CEMIP: variants seen among roughly 807,000 people sequenced by gnomAD.
CEMIP encodes cell migration inducing hyaluronidase 1.
Under a neutral mutation model 156.9 loss-of-function variants are expected in CEMIP, and 105 were observed. That is an observed-to-expected ratio of 0.67 (90% CI 0.57 to 0.79). The LOEUF is 0.79. Ranked by LOEUF, CEMIP falls within the 30% of genes least tolerant of loss-of-function variation. The pLI, the probability that CEMIP is intolerant of heterozygous loss-of-function variation, is 0.00. For missense variants in CEMIP, 1,457 were observed against 1,769.4 expected (o/e 0.82, Z 3.17); for synonymous variants, 676 against 668.4 (o/e 1.01, Z -0.17).
chr15:80,815,857 CTATTTA>C (rs1896778193), intron 1 of CEMIP, among the ~76,000 whole-genome samples: 1 of 152,150 alleles, frequency 6.6e-6, no homozygotes, highest in South Asian at 2.1e-4. Flanking sequence ...TTCTTTATTT[CTATTTA>C]TAATCTTTGC....
intron 8 of CEMIP, 70 bp downstream of exon 8, chr15:80,887,834 T>C: frequency 1.6e-6 from 2 of 1,269,130 alleles, no homozygotes; most frequent in Admixed American, 1.8e-5. Context: ...AGGGCTTTTC[T>C]GAACATCTCA....
At chr15:80,869,214 C>A (rs571662351) in intron 1 of CEMIP, among the ~76,000 whole-genome samples, 5 of 152,292 alleles carry the variant, frequency 3.3e-5, no homozygotes, top group Middle Eastern at 3.4e-3. Flanking sequence ...ACCCGTATGA[C>A]CTCATTTTAC....
In CEMIP at chr15:80,942,949, A is replaced by G; in HGVS notation, c.3704A>G (p.Asp1235Gly). The G allele has an allele frequency of 6.2e-7, 1 of 1,614,182 alleles. No homozygotes were observed. Among genetic ancestry groups the G allele is most frequent in the Non-Finnish European group, 8.5e-7 (1 of 1,180,044 alleles). Residue 1235 changes from aspartate to glycine, a missense_variant, in exon 28 of 30, where the codon GAT becomes GGT. Asp to Gly is a moderately conservative substitution (Grantham distance 94, BLOSUM62 -1). This residue lies in a region of CEMIP where 798 missense variants were observed against 980.1 expected (regional missense o/e 0.81). Coordinates refer to ENST00000394685, the MANE Select transcript of CEMIP (RefSeq NM_001293298.2). Reference sequence around the variant, plus strand: ...TGGATTGCTCTGGCTCTGTAGGTGGATGGGAAGAAGTACCCCAGTTCGGAG... The same window carrying G: ...TGGATTGCTCTGGCTCTGTAGGTGGGTGGGAAGAAGTACCCCAGTTCGGAG... Reference protein sequence around the residue: ...LWNDFAYIEVDGKKYPSSEDG... With the variant: ...LWNDFAYIEVGGKKYPSSEDG...
At chr15:80,858,551 TAAA>T (rs59305579) in intron 1 of CEMIP, among the ~76,000 whole-genome samples, 3 of 130,496 alleles carry the variant, frequency 2.3e-5, no homozygotes, top group Admixed American at 7.6e-5. Flanking sequence ...TGGTCTCTAC[TAAA>T]AAAAAAAAAA....
chr15:80,937,819 T>A lies in CEMIP; in HGVS notation c.3247T>A (p.Cys1083Ser). The A allele has an allele frequency of 6.2e-7, 1 of 1,614,268 alleles. No individual in the cohort carries two copies. The highest frequency in any genetic ancestry group is 8.5e-7 in the Non-Finnish European group (1 of 1,180,046). ...GGGCGACTGGATCCGAGTGGGGCTCTGCTACCCGCGAGGCACCACATTCTC... is the reference window on the plus strand; with the variant it reads ...GGGCGACTGGATCCGAGTGGGGCTCAGCTACCCGCGAGGCACCACATTCTC... Reference protein sequence around the residue: ...NKGDWIRVGLCYPRGTTFSIL... With the variant: ...NKGDWIRVGLSYPRGTTFSIL... The change falls in exon 25 of 30, where the codon TGC becomes AGC. Residue 1083 changes from cysteine to serine, a missense_variant. Cys to Ser is a moderately radical substitution (Grantham distance 112). Transcript: ENST00000394685.
intron 12 of CEMIP, chr15:80,901,004 T>TGCA (rs772577492): frequency 2.2e-6 from 1 of 453,878 alleles, no homozygotes; most frequent in South Asian, 1.6e-5. Flanking sequence ...GTAATGAAAA[T>TGCA]GCATGAATCA....
rs1181324430 is a variant in CEMIP at position 80,799,071 on chromosome 15, A to G, written c.-176+19457A>G. 1.1e-4 allele frequency among the ~76,000 whole-genome samples: 16 copies of G among 152,238 alleles called. 1 individual carries two copies. Among genetic ancestry groups the G allele is most frequent in the Non-Finnish European group, 4.4e-5 (3 of 68,034 alleles). The stretch of plus-strand genomic sequence containing the variant: ...TTTGATCCAGTTACCAGTGTGGAAG[A>G]TGACAGGAATGAGATAAAGCTAGCA... On this transcript the variant is annotated intron_variant, in intron 1 of 29. Coordinates refer to ENST00000394685, the MANE Select transcript of CEMIP (RefSeq NM_001293298.2).
intron 1 of CEMIP, among the ~76,000 whole-genome samples, chr15:80,782,271 C>A (rs1431892867): frequency 6.6e-6 from 1 of 152,122 alleles, no homozygotes; most frequent in Non-Finnish European, 1.5e-5. Context: ...TGGAGAGTGG[C>A]CTCTAAGGCC....
At chr15:80,839,289 A>AGTGTGTGTGTGTGTGTGTGTGTGT (rs34172431) in intron 1 of CEMIP, among the ~76,000 whole-genome samples, 55 of 131,184 alleles carry the variant, frequency 4.2e-4, no homozygotes, top group African/African-American at 1.5e-3. Flanking sequence ...CAAGGCCGTG[A>AGTGTGTGTGTGTGTGTGTGTGTGT]GTGTGTGTGT....
At chr15:80,786,837 A>G (rs1294337271) in intron 1 of CEMIP, among the ~76,000 whole-genome samples, 2 of 152,120 alleles carry the variant, frequency 1.3e-5, no homozygotes, top group South Asian at 2.1e-4. Context: ...ATCTTGTTAA[A>G]CCTCCCAATA....
intron 1 of CEMIP, among the ~76,000 whole-genome samples, chr15:80,852,396 GT>G (rs368490933): frequency 1.9e-4 from 29 of 148,812 alleles, no homozygotes; most frequent in East Asian, 2.0e-4. Flanking sequence ...GTGTGTGTGT[GT>G]TTTTTTTTTA....
chr15:80,827,390 G>A (rs904299964), intron 1 of CEMIP, among the ~76,000 whole-genome samples: 23 of 152,136 alleles, frequency 1.5e-4, no homozygotes, highest in Non-Finnish European at 7.3e-5. Context: ...TTCCTGAAGT[G>A]GGCGGATCAC....
intron 1 of CEMIP, among the ~76,000 whole-genome samples, chr15:80,858,880 G>T (rs1897918001): frequency 6.6e-6 from 1 of 152,176 alleles, no homozygotes; most frequent in South Asian, 2.1e-4. Context: ...GAAAGTCCAG[G>T]GATAGTAGTA....
intron 1 of CEMIP, among the ~76,000 whole-genome samples, chr15:80,810,512 C>T (rs980686561): frequency 6.6e-6 from 1 of 152,144 alleles, no homozygotes; most frequent in African/African-American, 2.4e-5. Flanking sequence ...GGACTACAGG[C>T]GCCCTCCACT....
At position 80,946,056 on chromosome 15, in the gene CEMIP, T is replaced by C. The variant is rs556232631; in HGVS notation, c.3858-909T>C. 2.6e-5 allele frequency among the ~76,000 whole-genome samples: 4 copies of C among 152,322 alleles called. No individual in the cohort carries two copies. In the South Asian group the frequency reaches 6.2e-4, roughly 24 times the overall value. On this transcript the variant is annotated intron_variant, in intron 28 of 29. Coordinates refer to ENST00000394685, the MANE Select transcript of CEMIP (RefSeq NM_001293298.2). Reference sequence around the variant, plus strand: ...TGCTTCAATCTCCCCATTTGCAAAATAGAGGCAATAGCCCTGTGTTGCCTA... The same window carrying C: ...TGCTTCAATCTCCCCATTTGCAAAACAGAGGCAATAGCCCTGTGTTGCCTA...
At chr15:80,833,507 G>T (rs1897201751) in intron 1 of CEMIP, among the ~76,000 whole-genome samples, 2 of 152,062 alleles carry the variant, frequency 1.3e-5, no homozygotes, top group South Asian at 4.2e-4. Context: ...ATCCAAACAG[G>T]TGATTTTTCT....
chr15:80,945,952 T>G lies in CEMIP; in HGVS notation c.3858-1013T>G, dbSNP rs1052171639. 2.6e-5 allele frequency among the ~76,000 whole-genome samples: 4 copies of G among 152,248 alleles called. No homozygotes were observed. In the South Asian group the frequency reaches 8.3e-4, roughly 32 times the overall value. On this transcript the variant is annotated intron_variant, in intron 28 of 29. Coordinates refer to ENST00000394685, the MANE Select transcript of CEMIP (RefSeq NM_001293298.2). ...TGCAATTTGGGACCTTCAGGCTGGG[T>G]GCACACATTGCTCCAAACCTCTGTG...
chr15:80,827,677 A>G (rs1360361860), intron 1 of CEMIP, among the ~76,000 whole-genome samples: 1 of 152,172 alleles, frequency 6.6e-6, no homozygotes, highest in Non-Finnish European at 1.5e-5. Context: ...AAACCACCAA[A>G]CAGATTATAT....
Position 80,920,035 on chromosome 15 carries a change from T to C in CEMIP, c.1798-59T>C, listed in dbSNP as rs1393580012. ...GACTATTTAGTGTTTGCTGAATGCA[T>C]GAATGAGCACATGAATAACTGGATG... On this transcript the variant is annotated intron_variant, in intron 14 of 29. Transcript: ENST00000394685. The C allele has an allele frequency of 2.6e-6, 4 of 1,517,434 alleles. 1 individual carries two copies. In the East Asian group the frequency reaches 9.0e-5, roughly 34 times the overall value. The allele number at this position is 1,517,434 out of a possible 1,614,324, so 94.0% of individuals were successfully genotyped here. A position where few individuals can be genotyped will look rare whatever the true frequency, so the allele number is the denominator to read the frequency against.
Sources: allele counts gnomAD v4.1 joint callset (sites outside exome capture counted in the v4.1 genomes callset), GRCh38; gene constraint gnomAD v4.1.1; regional missense constraint gnomAD v4.1.1; transcripts MANE v1.5; gene names NCBI Gene and HGNC (gene_info 2026-07-23, HGNC 2026-07-21).